The following TMEM117 variants were observed in gnomAD, a reference collection of about 807,000 sequenced individuals.
TMEM117 encodes transmembrane protein 117.
A neutral mutation model predicts 52.4 loss-of-function variants in TMEM117; 27 were observed. That is an observed-to-expected ratio of 0.51 (90% CI 0.38 to 0.71). The LOEUF is 0.71. TMEM117 is among the 30% of genes least tolerant of loss of function. The pLI, the probability that TMEM117 is intolerant of heterozygous loss-of-function variation, is 0.00. For missense variants in TMEM117, 556 were observed against 630.5 expected, an observed-to-expected ratio of 0.88 and a Z score of 1.26; for synonymous variants, 215 against 206.3, an observed-to-expected ratio of 1.04 and a Z score of -0.36.
rs11182391 is a variant in TMEM117, at chr12:44,034,293, C to T, written c.410+89951C>T. Among the ~76,000 whole-genome samples, 215 of 152,236 alleles carry T rather than the reference C, an allele frequency of 1.4e-3. 3 individuals are homozygous for T. The East Asian group carries it at 0.025, about 17-fold the overall frequency. On this transcript the variant is annotated intron_variant, in intron 3 of 7. Transcript: ENST00000266534. ...AGAAAGTAAAGGAAATTCACAGAGG[C>T]TAAACTATGAAAAAAGAGAGATGTA... is the stretch of plus-strand genomic sequence containing the variant.
intron 3 of TMEM117, among the ~76,000 whole-genome samples, chr12:43,959,097 G>C (rs562968844): frequency 1.3e-5 from 2 of 152,056 alleles, no homozygotes; most frequent in African/African-American, 4.8e-5. Flanking sequence ...GTGAGCCACC[G>C]CGCCCGGCCA....
At chr12:44,007,742 T>C (rs565126600) in intron 3 of TMEM117, among the ~76,000 whole-genome samples, 4 of 152,284 alleles carry the variant, frequency 2.6e-5, no homozygotes, top group Admixed American at 1.3e-4. Context: ...TTTCTGGTGC[T>C]GTTCTCGTGA....
chr12:44,292,750 C>T (rs1950720367), intron 5 of TMEM117, among the ~76,000 whole-genome samples: 1 of 151,936 alleles, frequency 6.6e-6, no homozygotes, highest in African/African-American at 2.4e-5. Context: ...GTTTAATTTT[C>T]ATATGCTTGT....
At chr12:43,966,930 A>G (rs1945494416) in intron 3 of TMEM117, among the ~76,000 whole-genome samples, 1 of 152,190 alleles carries the variant, frequency 6.6e-6, no homozygotes, top group Non-Finnish European at 1.5e-5. Flanking sequence ...TCAGATTTCA[A>G]TAGGACTAAA....
At chr12:44,348,009 T>C (rs1373933130) in intron 6 of TMEM117, among the ~76,000 whole-genome samples, 7 of 151,974 alleles carry the variant, frequency 4.6e-5, no homozygotes. Context: ...TAGTGACCAA[T>C]GGAGTAATGG....
At chr12:44,020,021 G>T (rs1462589367) in intron 3 of TMEM117, among the ~76,000 whole-genome samples, 1 of 152,120 alleles carries the variant, frequency 6.6e-6, no homozygotes, top group Non-Finnish European at 1.5e-5. Context: ...GTGTAGCATA[G>T]GGAATGGTTT....
At chr12:43,798,686 A>C in the TMEM117 span, 1 of 1,242,460 alleles carries the variant, frequency 8.0e-7, no homozygotes, top group African/African-American at 1.5e-5. Context: ...AATATGATAG[A>C]TCCTTGCTAC....
rs1036472683 is a variant in TMEM117, at chr12:44,288,970, A to G, written c.609-10610A>G. On this transcript the variant is annotated intron_variant, in intron 5 of 7. Transcript: ENST00000266534. The stretch of plus-strand genomic sequence containing the variant: ...GCTGTACATTAGATCCTCAGAACCT[A>G]TTCACTTATAACTGAAAGTTTGTAC... Among the ~76,000 whole-genome samples the G allele has an allele frequency of 3.9e-5, 6 of 152,126 alleles. No homozygotes were observed. The East Asian group carries it at 1.2e-3, about 29-fold the overall frequency.
the TMEM117 span, among the ~76,000 whole-genome samples, chr12:43,825,498 T>G: frequency 6.6e-6 from 1 of 152,158 alleles, no homozygotes; most frequent in Non-Finnish European, 1.5e-5. Flanking sequence ...CTCAGGTGAT[T>G]TTATCTTCAT....
At chr12:44,139,124 G>A (rs1323041608) in intron 3 of TMEM117, among the ~76,000 whole-genome samples, 1 of 152,138 alleles carries the variant, frequency 6.6e-6, no homozygotes, top group African/African-American at 2.4e-5. Flanking sequence ...GAGAGAGACA[G>A]CTGTGACATT....
chr12:43,997,744 G>A (rs542937643), intron 3 of TMEM117, among the ~76,000 whole-genome samples: 27 of 152,280 alleles, frequency 1.8e-4, no homozygotes, highest in African/African-American at 6.3e-4. Flanking sequence ...ATAAAGCCCT[G>A]TAGGCCCACC....
At chr12:44,252,358 G>T (rs1347059245) in intron 5 of TMEM117, among the ~76,000 whole-genome samples, 1 of 152,056 alleles carries the variant, frequency 6.6e-6, no homozygotes, top group Non-Finnish European at 1.5e-5. Flanking sequence ...ACAAAAATTA[G>T]CCAGGTGTGG....
chr12:43,916,108 C>A (rs1944599131), intron 2 of TMEM117, among the ~76,000 whole-genome samples: 1 of 152,110 alleles, frequency 6.6e-6, no homozygotes, highest in Admixed American at 6.6e-5. Flanking sequence ...GAGCCACCTT[C>A]AAATCCACCA....
intron 2 of TMEM117, among the ~76,000 whole-genome samples, chr12:43,915,082 G>T (rs1944578438): frequency 6.6e-6 from 1 of 152,122 alleles, no homozygotes; most frequent in Non-Finnish European, 1.5e-5. Context: ...GTGTTACTGC[G>T]ATTTCTTCTT....
intron 3 of TMEM117, among the ~76,000 whole-genome samples, chr12:44,031,614 T>C (rs1213226141): frequency 6.6e-6 from 1 of 152,232 alleles, no homozygotes; most frequent in East Asian, 1.9e-4. Context: ...AAAATGCTGC[T>C]GATACTTTGT....
intron 3 of TMEM117, among the ~76,000 whole-genome samples, chr12:44,117,494 C>G (rs1948164765): frequency 6.6e-6 from 1 of 152,142 alleles, no homozygotes; most frequent in African/African-American, 2.4e-5. Context: ...TCTTCCCATT[C>G]TGTCCTGGGG....
At chr12:44,353,841 T>C (rs1951603466) in intron 6 of TMEM117, among the ~76,000 whole-genome samples, 1 of 152,210 alleles carries the variant, frequency 6.6e-6, no homozygotes, top group Non-Finnish European at 1.5e-5. Context: ...AAGAAAGTCA[T>C]TGGTAGCTTG....
At chr12:43,916,903 T>G (rs907735936) in intron 2 of TMEM117, among the ~76,000 whole-genome samples, 4 of 152,126 alleles carry the variant, frequency 2.6e-5, no homozygotes, top group Non-Finnish European at 5.9e-5. Flanking sequence ...CTCCCCTCTC[T>G]ACTCCTCCCA....
intron 6 of TMEM117, among the ~76,000 whole-genome samples, chr12:44,366,691 C>A (rs1426425293): frequency 6.6e-6 from 1 of 151,994 alleles, no homozygotes; most frequent in Non-Finnish European, 1.5e-5. Context: ...ATTGGGTGGT[C>A]CAAAGGGGTC....
Sources: gnomAD v4.1 joint callset for allele counts (sites outside exome capture counted in the v4.1 genomes callset) on GRCh38, gnomAD v4.1.1 for gene constraint, MANE v1.5 for transcripts, NCBI Gene and HGNC (gene_info 2026-07-23, HGNC 2026-07-21) for gene names.